Variants in CAST observed in about 807,000 individuals in gnomAD.
CAST encodes the protein MIR583 host.
A neutral mutation model predicts 119.6 loss-of-function variants in CAST; 76 were observed. The ratio of observed to expected loss-of-function variants is 0.64; its 90% CI spans 0.53 to 0.77. The LOEUF (loss-of-function observed/expected upper bound fraction) is 0.77. CAST is among the 30% of genes least tolerant of loss of function. The probability of loss-of-function intolerance (pLI) is 0.00; values close to 1 mark genes in which losing one functional copy is unlikely to be tolerated. For synonymous variants in CAST, 319 were observed against 331.6 expected, an observed-to-expected ratio of 0.96 and a Z score of 0.41; for missense variants, 953 against 946.5, an observed-to-expected ratio of 1.01 and a Z score of -0.09.
intron 3 of CAST, among the ~76,000 whole-genome samples, chr5:96,713,165 C>CTTTTTTTTTTTT: frequency 7.1e-6 from 1 of 141,292 alleles, no homozygotes; most frequent in African/African-American, 2.6e-5. Context: ...TGGAGGCTTG[C>CTTTTTTTTTTTT]TCTGTCACCC....
the CAST span, among the ~76,000 whole-genome samples, chr5:96,382,223 G>A: frequency 1.3e-5 from 2 of 152,158 alleles, no homozygotes; most frequent in Non-Finnish European, 2.9e-5. Flanking sequence ...TACCACCTAA[G>A]GGTTCTGTCA....
At chr5:96,091,100 G>A in the CAST span, among the ~76,000 whole-genome samples, 1 of 152,046 alleles carries the variant, frequency 6.6e-6, no homozygotes, top group African/African-American at 2.4e-5. Flanking sequence ...TGTAGTGTAG[G>A]GTTGGGGTGG....
intron 1 of CAST, among the ~76,000 whole-genome samples, chr5:96,532,880 G>A (rs1001331808): frequency 6.6e-6 from 1 of 151,762 alleles, no homozygotes; most frequent in African/African-American, 2.4e-5. Context: ...TAAAAAATCA[G>A]CCAGGATGGT....
At chr5:96,385,551 A>T in the CAST span, among the ~76,000 whole-genome samples, 4 of 152,270 alleles carry the variant, frequency 2.6e-5, no homozygotes, top group African/African-American at 9.6e-5. Context: ...TGCAAGCATT[A>T]GAAATAACAT....
chr5:96,363,816 A>G, the CAST span, among the ~76,000 whole-genome samples: 1 of 152,124 alleles, frequency 6.6e-6, no homozygotes. Flanking sequence ...TCCTAATTGA[A>G]TACCCTTTAT....
intron 1 of CAST, among the ~76,000 whole-genome samples, chr5:96,644,219 A>G (rs1747990073): frequency 6.6e-6 from 1 of 152,240 alleles, no homozygotes; most frequent in South Asian, 2.1e-4. Flanking sequence ...ATTTAAAAAA[A>G]TACTTCACAA....
chr5:96,612,827 A>G (rs1428459053), intron 1 of CAST, among the ~76,000 whole-genome samples: 5 of 152,190 alleles, frequency 3.3e-5, no homozygotes, highest in Admixed American at 1.3e-4. Context: ...ATCTTTGTGT[A>G]TGATATAAAC....
At chr5:96,478,231 G>C in the CAST span, among the ~76,000 whole-genome samples, 1 of 152,086 alleles carries the variant, frequency 6.6e-6, no homozygotes, top group African/African-American at 2.4e-5. Context: ...GTCCCAATAG[G>C]GAGTGATAGT....
intron 1 of CAST, among the ~76,000 whole-genome samples, chr5:96,572,937 G>T (rs1028915847): frequency 1.3e-5 from 2 of 152,210 alleles, no homozygotes; most frequent in African/African-American, 2.4e-5. Context: ...AGGAAGGAAG[G>T]TTAAGTGAGT....
chr5:96,188,139 C>T, the CAST span, among the ~76,000 whole-genome samples: 3 of 152,056 alleles, frequency 2.0e-5, no homozygotes, highest in African/African-American at 7.2e-5. Flanking sequence ...TTTTATTACA[C>T]AAAATGATGC....
At chr5:96,339,954 TG>T in the CAST span, among the ~76,000 whole-genome samples, 1 of 152,196 alleles carries the variant, frequency 6.6e-6, no homozygotes, top group Non-Finnish European at 1.5e-5. Flanking sequence ...CCTTGAGCTC[TG>T]TGGGTTAGGA....
intron 1 of CAST, among the ~76,000 whole-genome samples, chr5:96,594,579 AT>A (rs1747020756): frequency 6.6e-6 from 1 of 152,266 alleles, no homozygotes; most frequent in Non-Finnish European, 1.5e-5. Context: ...TACTTAGAAT[AT>A]TAAACACCAC....
At chr5:96,089,223 A>T in the CAST span, among the ~76,000 whole-genome samples, 1 of 142,564 alleles carries the variant, frequency 7.0e-6, no homozygotes, top group Non-Finnish European at 1.5e-5. Flanking sequence ...CTGTTTTGTA[A>T]CAGTGGAGGA....
the CAST span, among the ~76,000 whole-genome samples, chr5:96,173,865 C>T: frequency 5.9e-5 from 9 of 152,092 alleles, no homozygotes; most frequent in East Asian, 1.5e-3. Context: ...CTCAGCCTCC[C>T]GACTAGGTGG....
At chr5:96,323,063 T>C in the CAST span, among the ~76,000 whole-genome samples, 5 of 152,332 alleles carry the variant, frequency 3.3e-5, no homozygotes, top group African/African-American at 1.2e-4. Flanking sequence ...CTTTTTGGCC[T>C]GAGGAAAATT....
chr5:96,226,651 T>C, the CAST span, among the ~76,000 whole-genome samples: 2 of 152,058 alleles, frequency 1.3e-5, no homozygotes, highest in Admixed American at 6.6e-5. Context: ...AGTGAGACCC[T>C]GCCTCAAAAA....
At chr5:96,721,143 T>C (rs976646821) in intron 3 of CAST, among the ~76,000 whole-genome samples, 2 of 152,180 alleles carry the variant, frequency 1.3e-5, no homozygotes, top group Non-Finnish European at 2.9e-5. Flanking sequence ...AAAAAGAATA[T>C]GAGAGAGGCC....
chr5:96,059,705 A>C, the CAST span, among the ~76,000 whole-genome samples: 1 of 152,082 alleles, frequency 6.6e-6, no homozygotes, highest in East Asian at 1.9e-4. Context: ...TGGTCACTTC[A>C]CGGGGCTCTG....
chr5:96,112,484 T>A, the CAST span, among the ~76,000 whole-genome samples: 3 of 152,250 alleles, frequency 2.0e-5, no homozygotes, highest in Admixed American at 2.0e-4. Flanking sequence ...AGGGACTGTA[T>A]TTGACTTATT....
Sources: gnomAD v4.1 joint callset for allele counts (sites outside exome capture counted in the v4.1 genomes callset) on GRCh38, gnomAD v4.1.1 for gene constraint, MANE v1.5 for transcripts, NCBI Gene and HGNC (gene_info 2026-07-23, HGNC 2026-07-21) for gene names.